Variants in BTBD9 observed in about 807,000 individuals in gnomAD.
BTBD9 encodes BTB domain containing 9.
Under a neutral mutation model 64.3 loss-of-function variants are expected in BTBD9, and 49 were observed. The ratio of observed to expected loss-of-function variants is 0.76; its 90% CI spans 0.61 to 0.97. The LOEUF is 0.97. Among genes scored for constraint, BTBD9 ranks in the 50% least tolerant of loss-of-function variants. The pLI is 0.00. For synonymous variants in BTBD9, 260 were observed against 274.7 expected (o/e 0.95, Z 0.53); for missense variants, 598 against 762.1 (o/e 0.78, Z 2.53).
At chr6:38,342,040 T>C (rs574421630) in intron 7 of BTBD9, among the ~76,000 whole-genome samples, 8 of 152,198 alleles carry the variant, frequency 5.3e-5, no homozygotes, top group African/African-American at 1.9e-4. Flanking sequence ...AAATCTCATA[T>C]AGTGGGTGTG....
At position 38,605,153 on chromosome 6, in the gene BTBD9, T is replaced by A. The variant is rs892801307; in HGVS notation, c.-27-7032A>T. 2.6e-5 allele frequency among the ~76,000 whole-genome samples: 4 copies of A among 152,112 alleles called. No individual in the cohort carries two copies. The South Asian group carries it at 6.3e-4, about 24-fold the overall frequency. ...CCTCCACTTCCTGGGTTCAAGTGAT[T>A]CTCCTGCCTCAGCCTCCCGAGTAGC... On this transcript the variant is annotated intron_variant, in intron 1 of 10. Coordinates refer to ENST00000481247, the MANE Select transcript of BTBD9 (RefSeq NM_001099272.2).
intron 8 of BTBD9, among the ~76,000 whole-genome samples, chr6:38,257,063 C>CT (rs745545678): frequency 0.012 from 1,375 of 111,342 alleles, 17 homozygotes; most frequent in East Asian, 0.041. Context: ...TTGCACACTT[C>CT]TTTTTTTTTT....
chr6:38,206,003 C>T (rs181185793), intron 9 of BTBD9, among the ~76,000 whole-genome samples: 116 of 151,768 alleles, frequency 7.6e-4, no homozygotes, highest in African/African-American at 2.8e-3. Context: ...GGATGAGAGC[C>T]GTAAAACAGG....
At chr6:38,318,605 A>G (rs1390499327) in intron 7 of BTBD9, among the ~76,000 whole-genome samples, 1 of 152,154 alleles carries the variant, frequency 6.6e-6, no homozygotes, top group African/African-American at 2.4e-5. Context: ...CTTTTCCCTT[A>G]CTTTCTCTCA....
chr6:38,587,466 A>G, intron 4 of BTBD9: 2 of 549,906 alleles, frequency 3.6e-6, no homozygotes, highest in Non-Finnish European at 7.0e-6. Flanking sequence ...TTTTCAGGGG[A>G]AAACTTCTGC....
intron 1 of BTBD9, among the ~76,000 whole-genome samples, chr6:38,639,456 T>A (rs1316551267): frequency 6.6e-6 from 1 of 151,990 alleles, no homozygotes; most frequent in Non-Finnish European, 1.5e-5. Flanking sequence ...GCCTCCTCAG[T>A]CCCAGGCAAC....
chr6:38,378,498 G>A (rs898559788), intron 6 of BTBD9, among the ~76,000 whole-genome samples: 22 of 150,864 alleles, frequency 1.5e-4, no homozygotes, highest in African/African-American at 5.3e-4. Flanking sequence ...GCCTCCTGAA[G>A]TGCTGGGATT....
At chr6:38,329,320 T>C (rs1763582405) in intron 7 of BTBD9, among the ~76,000 whole-genome samples, 1 of 143,668 alleles carries the variant, frequency 7.0e-6, no homozygotes. Context: ...AGACCTTTTT[T>C]TCCTTTTTTT....
chr6:38,258,068 C>T (rs1764660803), intron 8 of BTBD9, among the ~76,000 whole-genome samples: 1 of 151,984 alleles, frequency 6.6e-6, no homozygotes, highest in African/African-American at 2.4e-5. Flanking sequence ...TCATTGCAAC[C>T]TCCGCCTCCC....
At chr6:38,292,912 G>C (rs1034438107) in intron 7 of BTBD9, among the ~76,000 whole-genome samples, 1 of 152,076 alleles carries the variant, frequency 6.6e-6, no homozygotes, top group African/African-American at 2.4e-5. Context: ...TGTGATGTTA[G>C]GGTGTCGATT....
At chr6:38,300,887 C>G (rs1398833202) in intron 7 of BTBD9, among the ~76,000 whole-genome samples, 1 of 152,164 alleles carries the variant, frequency 6.6e-6, no homozygotes, top group Non-Finnish European at 1.5e-5. Flanking sequence ...CCAGAACTTC[C>G]AACACTATGT....
chr6:38,317,766 T>C (rs559764962), intron 7 of BTBD9, among the ~76,000 whole-genome samples: 1 of 152,202 alleles, frequency 6.6e-6, no homozygotes, highest in Admixed American at 6.5e-5. Flanking sequence ...TTCTGCTTGA[T>C]CAGTTCTGCT....
chr6:38,427,682 C>T (rs566854732), intron 6 of BTBD9, among the ~76,000 whole-genome samples: 1 of 151,994 alleles, frequency 6.6e-6, no homozygotes, highest in South Asian at 2.1e-4. Flanking sequence ...TGTCAACAAT[C>T]AAGATAATTA....
intron 6 of BTBD9, among the ~76,000 whole-genome samples, chr6:38,503,966 T>C (rs1652461022): frequency 6.6e-6 from 1 of 152,188 alleles, no homozygotes; most frequent in African/African-American, 2.4e-5. Flanking sequence ...TCTCCATTGC[T>C]AAAAATTCTT....
intron 9 of BTBD9, among the ~76,000 whole-genome samples, chr6:38,218,143 A>G (rs764295060): frequency 1.3e-5 from 2 of 152,034 alleles, no homozygotes; most frequent in Non-Finnish European, 2.9e-5. Flanking sequence ...AGTATGTCAT[A>G]CCTCTGGTTC....
At chr6:38,417,795 AG>A (rs1281599220) in intron 6 of BTBD9, among the ~76,000 whole-genome samples, 259 of 103,278 alleles carry the variant, frequency 2.5e-3, no homozygotes, top group African/African-American at 0.011. Flanking sequence ...AGAGAGAGAG[AG>A]AGAGAAAAAA....
At chr6:38,504,087 T>C (rs752307705) in intron 6 of BTBD9, among the ~76,000 whole-genome samples, 2 of 152,174 alleles carry the variant, frequency 1.3e-5, no homozygotes, top group African/African-American at 4.8e-5. Context: ...TATATAATCA[T>C]TCCCTTGCAG....
chr6:38,471,929 T>G (rs1208295690), intron 6 of BTBD9, among the ~76,000 whole-genome samples: 1 of 152,218 alleles, frequency 6.6e-6, no homozygotes, highest in African/African-American at 2.4e-5. Context: ...TCTTTTGAGT[T>G]GAATATATTT....
chr6:38,238,154 TA>T (rs920766692), intron 9 of BTBD9, among the ~76,000 whole-genome samples: 4 of 152,174 alleles, frequency 2.6e-5, no homozygotes, highest in Non-Finnish European at 4.4e-5. Flanking sequence ...CAATCTTTTT[TA>T]AACAAAAAAT....
Sources: allele counts gnomAD v4.1 joint callset (sites outside exome capture counted in the v4.1 genomes callset), GRCh38; gene constraint gnomAD v4.1.1; transcripts MANE v1.5; gene names NCBI Gene and HGNC (gene_info 2026-07-23, HGNC 2026-07-21).